Variants in UBE3A observed in about 807,000 individuals in gnomAD.
UBE3A encodes ubiquitin-protein ligase E3A.
A neutral mutation model predicts 83.4 loss-of-function variants in UBE3A; 6 were observed. The observed-to-expected ratio is 0.07, with a 90% CI of 0.04 to 0.14. The LOEUF is 0.14. UBE3A is among the 10% of genes least tolerant of loss of function. UBE3A has a pLI of 1.00. For missense variants in UBE3A, 456 were observed against 1,036.1 expected (o/e 0.44, Z 7.69); for synonymous variants, 337 against 355.4 (o/e 0.95, Z 0.58).
chr15:25,344,162 G>A (rs1298934780), intron 11 of UBE3A, among the ~76,000 whole-genome samples: 1 of 152,080 alleles, frequency 6.6e-6, no homozygotes. Flanking sequence ...AACATTAAGA[G>A]GATTCACTGT....
chr15:25,364,935 C>T (rs569247849), intron 6 of UBE3A, among the ~76,000 whole-genome samples: 11 of 152,040 alleles, frequency 7.2e-5, no homozygotes, highest in Admixed American at 4.6e-4. Flanking sequence ...TGTGAGCCAC[C>T]GCGCCAGGCC....
At position 25,397,583 on chromosome 15, in the gene UBE3A, A is replaced by G. The variant is rs372294647; in HGVS notation, c.62+7878T>C. 1.1e-4 allele frequency among the ~76,000 whole-genome samples: 16 copies of G among 152,302 alleles called. No homozygotes were observed. The East Asian group carries it at 2.9e-3, about 28-fold the overall frequency. On this transcript the variant is annotated intron_variant, in intron 4 of 12. Transcript: ENST00000648336. Reference sequence around the variant, plus strand: ...TGGCTCCTCCCCAAAGGCACTGCCTATCATGCAACCCTTTTATGTGACTCC... The same window carrying G: ...TGGCTCCTCCCCAAAGGCACTGCCTGTCATGCAACCCTTTTATGTGACTCC...
chr15:25,367,213 GTAAATATTTACATATTTGTA>G (rs1566940833), intron 6 of UBE3A, among the ~76,000 whole-genome samples: 2 of 86,250 alleles, frequency 2.3e-5, no homozygotes, highest in Non-Finnish European at 4.0e-5. Context: ...TTGTAAATAT[GTAAATATTTACATATTTGTA>G]AATATGTAAA....
At chr15:25,398,488 C>T (rs2086129414) in intron 4 of UBE3A, among the ~76,000 whole-genome samples, 1 of 151,928 alleles carries the variant, frequency 6.6e-6, no homozygotes, top group Non-Finnish European at 1.5e-5. Context: ...CTGGTAACCA[C>T]CATTTTACAT....
intron 11 of UBE3A, among the ~76,000 whole-genome samples, chr15:25,343,825 T>C (rs377642259): frequency 7.9e-5 from 12 of 152,164 alleles, no homozygotes; most frequent in East Asian, 7.7e-4. Flanking sequence ...CAAAAGACTA[T>C]ATAAAACTAT....
intron 1 of UBE3A, among the ~76,000 whole-genome samples, chr15:25,433,690 T>C (rs1019295459): frequency 3.3e-5 from 5 of 152,184 alleles, no homozygotes; most frequent in African/African-American, 9.7e-5. Flanking sequence ...ATGACTCTGA[T>C]GCACTTAAAA....
At chr15:25,427,953 A>C (rs1288498883) in intron 1 of UBE3A, among the ~76,000 whole-genome samples, 1 of 152,182 alleles carries the variant, frequency 6.6e-6, no homozygotes, top group Non-Finnish European at 1.5e-5. Flanking sequence ...ATGGAACAAG[A>C]AGCCATTATG....
intron 5 of UBE3A, chr15:25,373,476 G>A (rs1443727861): frequency 1.3e-5 from 2 of 152,058 alleles, no homozygotes; most frequent in African/African-American, 2.4e-5. Context: ...TCCAAGGAGT[G>A]TTTTTTGTTG....
At chr15:25,409,437 G>A (rs1596295056) in intron 2 of UBE3A, 1 of 220,864 alleles carries the variant, frequency 4.5e-6, no homozygotes, top group East Asian at 9.2e-5. Flanking sequence ...TAATGTTATA[G>A]TTTCTGAAGC....
chr15:25,365,129 A>G (rs1224071888), intron 6 of UBE3A, among the ~76,000 whole-genome samples: 1 of 152,110 alleles, frequency 6.6e-6, no homozygotes, highest in Non-Finnish European at 1.5e-5. Flanking sequence ...GGATAAAATG[A>G]TTTTTAATTT....
At chr15:25,365,906 T>G (rs1365585648) in intron 6 of UBE3A, among the ~76,000 whole-genome samples, 1 of 152,204 alleles carries the variant, frequency 6.6e-6, no homozygotes, top group African/African-American at 2.4e-5. Flanking sequence ...ATATCTCAAA[T>G]GTAGTTTAAA....
At chr15:25,392,469 G>T (rs1596054945) in intron 4 of UBE3A, among the ~76,000 whole-genome samples, 1 of 152,078 alleles carries the variant, frequency 6.6e-6, no homozygotes, top group Admixed American at 6.5e-5. Context: ...CAAGGATTGA[G>T]CAATAACTAA....
At position 25,375,531 on chromosome 15, in the gene UBE3A, C is replaced by T. The variant is rs774533700; in HGVS notation, c.295G>A (p.Gly99Ser). Residue 99 changes from glycine (G) to serine (S), a missense_variant, in exon 5 of 13, where the codon GGT (glycine) becomes AGT (serine). Around this residue, in one of 13 missense-constraint regions of UBE3A, gnomAD observed 36 missense variants for 28.5 expected, o/e 1.26. Coordinates refer to ENST00000648336, the MANE Select transcript of UBE3A (RefSeq NM_130839.5). Reference protein sequence around the residue: ...ASSAYLENSKGAPNNSCSEIK... With the variant: ...ASSAYLENSKSAPNNSCSEIK... The stretch of plus-strand genomic sequence containing the variant: ...TCAGAGCAGGAGTTGTTGGGGGCAC[C>T]TTTCGAGTTCTCAAGGTAAGCTGAG... 1.1e-5 allele frequency: 17 copies of T among 1,614,020 alleles called. No individual in the cohort carries two copies. The South Asian group carries it at 1.9e-4, about 18-fold the overall frequency.
chr15:25,388,763 G>C (rs1254609873), intron 4 of UBE3A, among the ~76,000 whole-genome samples: 1 of 152,074 alleles, frequency 6.6e-6, no homozygotes, highest in Non-Finnish European at 1.5e-5. Flanking sequence ...AGTGATTATA[G>C]CAAAGCTGCA....
At chr15:25,346,815 G>A (rs1046645177) in intron 11 of UBE3A, 7 of 152,256 alleles carry the variant, frequency 4.6e-5, no homozygotes, top group Admixed American at 1.3e-4. Flanking sequence ...AAAATAGACT[G>A]AAAAATGAAC....
intron 1 of UBE3A, among the ~76,000 whole-genome samples, chr15:25,417,210 C>T (rs964385395): frequency 1.3e-5 from 2 of 152,040 alleles, no homozygotes; most frequent in Non-Finnish European, 2.9e-5. Context: ...ACACTGGGAG[C>T]ATTTAGTAAA....
chr15:25,391,474 G>A (rs1182056282), intron 4 of UBE3A: 3 of 152,090 alleles, frequency 2.0e-5, no homozygotes, highest in Admixed American at 1.3e-4. Flanking sequence ...TCATTAATAT[G>A]GTAAAATGTG....
intron 5 of UBE3A, among the ~76,000 whole-genome samples, chr15:25,372,954 C>G (rs2080543921): frequency 6.6e-6 from 1 of 152,124 alleles, no homozygotes; most frequent in Admixed American, 6.5e-5. Context: ...ATTGAATGGT[C>G]TCCAAAAATT....
intron 1 of UBE3A, among the ~76,000 whole-genome samples, chr15:25,437,195 T>C (rs760214295): frequency 2.0e-5 from 3 of 152,202 alleles, no homozygotes; most frequent in Non-Finnish European, 2.9e-5. Flanking sequence ...GGTAAGTAGC[T>C]TGGATTTAAA....
Sources: allele counts gnomAD v4.1 joint callset (sites outside exome capture counted in the v4.1 genomes callset), GRCh38; gene constraint gnomAD v4.1.1; regional missense constraint gnomAD v4.1.1; transcripts MANE v1.5; gene names NCBI Gene and HGNC (gene_info 2026-07-23, HGNC 2026-07-21).